Variants in CFAP299 observed in about 807,000 individuals in gnomAD.
CFAP299 encodes cilia- and flagella-associated protein 299.
In CFAP299, 21 loss-of-function variants were observed where a neutral mutation model predicts 27.0. The ratio of observed to expected loss-of-function variants is 0.78; its 90% CI spans 0.55 to 1.12. The LOEUF (loss-of-function observed/expected upper bound fraction) is 1.12. Among genes scored for constraint, CFAP299 ranks in the 50% most tolerant of loss-of-function variants. The pLI, the probability that CFAP299 is intolerant of heterozygous loss-of-function variation, is 0.00. For missense variants in CFAP299, 310 were observed against 276.6 expected, an observed-to-expected ratio of 1.12 and a Z score of -0.86; for synonymous variants, 104 against 98.1, an observed-to-expected ratio of 1.06 and a Z score of -0.36.
chr4:80,345,401 T>A (rs1323913957), intron 1 of CFAP299, among the ~76,000 whole-genome samples: 1 of 151,946 alleles, frequency 6.6e-6, no homozygotes, highest in Non-Finnish European at 1.5e-5. Context: ...AGTGGGTATT[T>A]CTCCCAATGC....
chr4:80,934,528 T>C (rs916570074), intron 4 of CFAP299, among the ~76,000 whole-genome samples: 6 of 151,956 alleles, frequency 3.9e-5, no homozygotes, highest in African/African-American at 1.4e-4. Flanking sequence ...AGTGAAGATA[T>C]CTTTTTCTAA....
chr4:80,537,420 G>T (rs562396987), intron 2 of CFAP299, among the ~76,000 whole-genome samples: 1 of 152,272 alleles, frequency 6.6e-6, no homozygotes, highest in African/African-American at 2.4e-5. Flanking sequence ...TAATAGCCAA[G>T]CTGTGGAATC....
At chr4:80,471,999 G>C (rs974570291) in intron 2 of CFAP299, among the ~76,000 whole-genome samples, 1 of 152,118 alleles carries the variant, frequency 6.6e-6, no homozygotes, top group East Asian at 1.9e-4. Flanking sequence ...CTTAGGAGTC[G>C]TAAGCTTGGA....
chr4:80,399,466 A>T (rs904693858), intron 2 of CFAP299, among the ~76,000 whole-genome samples: 1 of 152,150 alleles, frequency 6.6e-6, no homozygotes, highest in Admixed American at 6.5e-5. Flanking sequence ...GATAGACTGG[A>T]TTAAGAAAAT....
intron 3 of CFAP299, among the ~76,000 whole-genome samples, chr4:80,668,581 T>C (rs1450354699): frequency 1.3e-5 from 2 of 152,192 alleles, no homozygotes; most frequent in Non-Finnish European, 2.9e-5. Flanking sequence ...TGTTTGTTAT[T>C]GGAAACTTTG....
rs372604502 is a variant in CFAP299, at chr4:80,902,580, A to AATATATAT, written c.476+32452_476+32453insTATATATA. Among the ~76,000 whole-genome samples, 123 of 82,468 alleles carry AATATATAT rather than the reference A, an allele frequency of 1.5e-3. 1 individual carries two copies. The highest frequency in any genetic ancestry group is 3.6e-3 in the African/African-American group (112 of 31,372). 54.1% of individuals were successfully genotyped at this position (82,468 alleles called of 152,430 possible). On this transcript the variant is annotated intron_variant, in intron 4 of 5. Coordinates refer to ENST00000358105, the MANE Select transcript of CFAP299 (RefSeq NM_152770.3). The stretch of plus-strand genomic sequence containing the variant: ...ATTATTATTTTATCCATATATATGT[A>AATATATAT]ATATATACACACACACACACACACA...
In CFAP299 at chr4:80,866,369, C is replaced by A. The variant is rs1001214906; in HGVS notation, c.334-3624C>A. On this transcript the variant is annotated intron_variant, in intron 3 of 5. Coordinates refer to ENST00000358105, the MANE Select transcript of CFAP299 (RefSeq NM_152770.3). ...ATGTTTACAAATTGGGTGCTCAGGG[C>A]AGATGACCCTGACAGCACATGAATG... 2.0e-5 allele frequency among the ~76,000 whole-genome samples: 3 copies of A among 151,974 alleles called. No homozygotes were observed. The East Asian group carries it at 5.8e-4, about 29-fold the overall frequency.
At chr4:80,736,824 A>G (rs1723915690) in intron 3 of CFAP299, among the ~76,000 whole-genome samples, 3 of 152,176 alleles carry the variant, frequency 2.0e-5, no homozygotes. Flanking sequence ...TATATATCCA[A>G]AGGATTATAA....
At chr4:80,846,590 C>T (rs1731196505) in intron 3 of CFAP299, among the ~76,000 whole-genome samples, 1 of 152,078 alleles carries the variant, frequency 6.6e-6, no homozygotes, top group Non-Finnish European at 1.5e-5. Context: ...ATTTACTATG[C>T]ATTAATATTC....
chr4:80,377,789 G>C (rs2110015977), intron 2 of CFAP299, among the ~76,000 whole-genome samples: 1 of 152,134 alleles, frequency 6.6e-6, no homozygotes, highest in East Asian at 1.9e-4. Context: ...TTTTATAGCT[G>C]TATTGATCCT....
At chr4:80,764,824 A>C (rs868659326) in intron 3 of CFAP299, among the ~76,000 whole-genome samples, 13 of 152,102 alleles carry the variant, frequency 8.5e-5, no homozygotes, top group Middle Eastern at 3.4e-3. Context: ...AACGATCAGC[A>C]AACTAACACA....
At chr4:80,490,105 A>C (rs1378536545) in intron 2 of CFAP299, among the ~76,000 whole-genome samples, 1 of 152,122 alleles carries the variant, frequency 6.6e-6, no homozygotes, top group Non-Finnish European at 1.5e-5. Flanking sequence ...TTCAGATATT[A>C]ATTGTCCTCC....
chr4:80,486,863 G>T (rs1262230689), intron 2 of CFAP299, among the ~76,000 whole-genome samples: 1 of 152,230 alleles, frequency 6.6e-6, no homozygotes, highest in Non-Finnish European at 1.5e-5. Context: ...GCCAGCATTG[G>T]CTGGGGCCCT....
rs185004293 is a variant in CFAP299, at chr4:80,625,013, A to T, written c.333+41830A>T. On this transcript the variant is annotated intron_variant, in intron 3 of 5. Transcript: ENST00000358105. Reference sequence around the variant, plus strand: ...AGGGAGCTCTTCAAGGTGAAAGAAAAAAACACTAATAAGTCACGTGAAAAC... The same window carrying T: ...AGGGAGCTCTTCAAGGTGAAAGAAATAAACACTAATAAGTCACGTGAAAAC... Among the ~76,000 whole-genome samples, 272 of 152,304 alleles carry T rather than the reference A, an allele frequency of 1.8e-3. 3 individuals are homozygous for T. The highest frequency in any genetic ancestry group is 6.0e-3 in the African/African-American group (248 of 41,588).
chr4:80,336,068 G>A (rs1722125714), intron 1 of CFAP299, among the ~76,000 whole-genome samples, 189 bp downstream of exon 1: 1 of 152,212 alleles, frequency 6.6e-6, no homozygotes, highest in African/African-American at 2.4e-5. Flanking sequence ...GCGCTCCCCG[G>A]TCCGGACAGA....
intron 4 of CFAP299, among the ~76,000 whole-genome samples, chr4:80,907,789 T>A (rs1464239917): frequency 1.3e-5 from 2 of 152,180 alleles, no homozygotes; most frequent in Admixed American, 6.5e-5. Flanking sequence ...AGGTGAGATT[T>A]GGATTGGGAT....
intron 2 of CFAP299, among the ~76,000 whole-genome samples, chr4:80,567,806 A>T (rs1181731357): frequency 6.6e-6 from 1 of 151,256 alleles, no homozygotes; most frequent in Non-Finnish European, 1.5e-5. Context: ...AAAGTCTAGG[A>T]AACCAATACA....
intron 3 of CFAP299, among the ~76,000 whole-genome samples, chr4:80,670,496 A>G (rs7660294): frequency 0.045 from 6,924 of 152,238 alleles, 550 homozygotes; most frequent in African/African-American, 0.16. Flanking sequence ...TCCTTTGGGT[A>G]TATACCCCGT....
At chr4:80,539,000 T>G (rs1016179113) in intron 2 of CFAP299, among the ~76,000 whole-genome samples, 5 of 152,200 alleles carry the variant, frequency 3.3e-5, no homozygotes, top group Admixed American at 2.6e-4. Flanking sequence ...ATCTTTACAC[T>G]CAGGAGTTAA....
Sources: gnomAD v4.1 joint callset for allele counts (sites outside exome capture counted in the v4.1 genomes callset) on GRCh38, gnomAD v4.1.1 for gene constraint, MANE v1.5 for transcripts, NCBI Gene and HGNC (gene_info 2026-07-23, HGNC 2026-07-21) for gene names.